COL22A1: variants seen among roughly 807,000 people sequenced by gnomAD.
COL22A1 encodes collagen alpha-1(XXII) chain.
In COL22A1, 221 loss-of-function variants were observed where a neutral mutation model predicts 248.9. The ratio of observed to expected loss-of-function variants is 0.89; its 90% CI spans 0.80 to 0.99. The LOEUF (loss-of-function observed/expected upper bound fraction) is 0.99. Among genes scored for constraint, COL22A1 ranks in the 50% least tolerant of loss-of-function variants. COL22A1 has a pLI of 0.00. For missense variants in COL22A1, 2,240 were observed against 2,179.0 expected (o/e 1.03, Z -0.56); for synonymous variants, 891 against 793.4 (o/e 1.12, Z -2.07).
intron 15 of COL22A1, among the ~76,000 whole-genome samples, chr8:138,776,380 C>A (rs1204895636): frequency 6.6e-5 from 10 of 152,188 alleles, no homozygotes; most frequent in Admixed American, 6.5e-4. Flanking sequence ...TGTGATACCC[C>A]ATGACCATGG....
At chr8:138,627,718 A>G (rs1820360914) in intron 50 of COL22A1, among the ~76,000 whole-genome samples, 1 of 152,238 alleles carries the variant, frequency 6.6e-6, no homozygotes, top group South Asian at 2.1e-4. Flanking sequence ...TCACAACACT[A>G]CAATACACCC....
At chr8:138,606,110 GT>G (rs1294130885) in intron 58 of COL22A1, among the ~76,000 whole-genome samples, 3 of 152,114 alleles carry the variant, frequency 2.0e-5, no homozygotes, top group African/African-American at 7.2e-5. Context: ...CGTTATCCTC[GT>G]TTGCATAATG....
chr8:138,832,186 G>A (rs932987215), intron 5 of COL22A1, among the ~76,000 whole-genome samples: 1 of 152,124 alleles, frequency 6.6e-6, no homozygotes, highest in Admixed American at 6.5e-5. Context: ...TCCACCCTTT[G>A]TTTAGCATAT....
chr8:138,660,328 T>A (rs1342861132), intron 44 of COL22A1, 108 bp downstream of exon 44: 2 of 936,384 alleles, frequency 2.1e-6, no homozygotes, highest in Non-Finnish European at 3.4e-6. Flanking sequence ...CACAGTTTTG[T>A]CAAATGTTCC....
chr8:138,668,130 A>C (rs1824674078), intron 41 of COL22A1, among the ~76,000 whole-genome samples: 1 of 152,214 alleles, frequency 6.6e-6, no homozygotes, highest in Non-Finnish European at 1.5e-5. Context: ...TAGATATTTG[A>C]TGGTGTTATG....
At chr8:138,680,539 G>C (rs1210929750) in intron 39 of COL22A1, among the ~76,000 whole-genome samples, 1 of 152,160 alleles carries the variant, frequency 6.6e-6, no homozygotes, top group Non-Finnish European at 1.5e-5. Context: ...GAATTAGAAG[G>C]GGCCAAGGGG....
intron 22 of COL22A1, among the ~76,000 whole-genome samples, chr8:138,747,521 G>A (rs1208950968): frequency 6.6e-6 from 1 of 152,090 alleles, no homozygotes; most frequent in Non-Finnish European, 1.5e-5. Context: ...CTCCACACCT[G>A]CGCCTGCCCC....
intron 16 of COL22A1, among the ~76,000 whole-genome samples, chr8:138,765,965 G>A (rs576017500): frequency 6.6e-6 from 1 of 152,370 alleles, no homozygotes; most frequent in Admixed American, 6.5e-5. Context: ...TGATGAGACA[G>A]CTGCTGAGTA....
chr8:138,897,378 T>C (rs948828801), intron 1 of COL22A1, among the ~76,000 whole-genome samples: 3 of 151,944 alleles, frequency 2.0e-5, no homozygotes, highest in Admixed American at 2.0e-4. Flanking sequence ...AAACCCCGTC[T>C]CTACTTAAAA....
chr8:138,656,077 C>G (rs980328470), intron 44 of COL22A1, 133 bp from the exon 45 acceptor site: 1 of 723,408 alleles, frequency 1.4e-6, no homozygotes, highest in Admixed American at 2.4e-5. Context: ...GGGATACGGA[C>G]AGCCCAGTGG....
At chr8:138,907,817 T>C (rs12681025) in intron 1 of COL22A1, among the ~76,000 whole-genome samples, 29,268 of 152,056 alleles carry the variant, frequency 0.19, 3,473 homozygotes, top group East Asian at 0.48. Context: ...GCCAAATTCA[T>C]CTTATAACAA....
At chr8:138,772,072 G>T (rs748526547) in intron 16 of COL22A1, among the ~76,000 whole-genome samples, 1 of 150,566 alleles carries the variant, frequency 6.6e-6, no homozygotes, top group East Asian at 1.9e-4. Flanking sequence ...CCAGGGTTTC[G>T]TCTAACCCTG....
chr8:138,832,541 C>T (rs1207367051), intron 5 of COL22A1, among the ~76,000 whole-genome samples: 1 of 152,078 alleles, frequency 6.6e-6, no homozygotes, highest in South Asian at 2.1e-4. Flanking sequence ...AAGGCAGGAA[C>T]GTTCACTTTG....
At position 138,679,625 on chromosome 8, in the gene COL22A1, A is replaced by G. The variant is rs148664943; in HGVS notation, c.3064T>C (p.Cys1022Arg). 5.0e-6 allele frequency: 8 copies of G among 1,613,806 alleles called. No individual in the cohort carries two copies. Among genetic ancestry groups the G allele is most frequent in the East Asian group, 2.2e-5 (1 of 44,890 alleles). The change falls in exon 40 of 65, where the codon TGT becomes CGT. Residue 1022 changes from cysteine to arginine, a missense_variant. Cys to Arg is a radical substitution (Grantham distance 180). Transcript: ENST00000303045. ...GSENCALGGQ[C>R]VKGDRGAPGI... ...CATAGATCTTCACTGACCTTAACAC[A>G]TTGCCCTCCCAGTGCACAGTTTTCT...
At position 138,613,887 on chromosome 8, in the gene COL22A1, G is replaced by A. The variant is rs1819104843; in HGVS notation, c.3958C>T (p.Gln1320Ter). The A allele has an allele frequency of 6.2e-7, 1 of 1,613,718 alleles. No homozygotes were observed. The highest frequency in any genetic ancestry group is 1.3e-5 in the African/African-American group (1 of 74,898). ...DTGPTGPQGP[Q>*]GPRGPPGKNG... ...CTCACCGGTGGGCCCCTTGGTCCTT[G>A]GGGACCCTGTGGCCCAGTGGGTCCA... The change falls in exon 56 of 65, where the codon CAA (glutamine) becomes TAA (stop). Residue 1320 changes from glutamine (Q) to a stop codon, truncating the protein, a stop_gained. Coordinates refer to ENST00000303045, the MANE Select transcript of COL22A1 (RefSeq NM_152888.3). LOFTEE classifies it high-confidence loss of function.
intron 45 of COL22A1, among the ~76,000 whole-genome samples, chr8:138,651,979 C>T (rs963284310): frequency 6.6e-6 from 1 of 152,318 alleles, no homozygotes; most frequent in South Asian, 2.1e-4. Flanking sequence ...TCCTGAAGAC[C>T]AGAGCTGTCG....
intron 25 of COL22A1, 133 bp downstream of exon 25, chr8:138,724,482 C>T: frequency 1.2e-6 from 1 of 801,650 alleles, no homozygotes; most frequent in Non-Finnish European, 2.1e-6. Context: ...AGCTCCGGGG[C>T]TGCAGGCCTT....
At chr8:138,766,750 C>G (rs1486573150) in intron 16 of COL22A1, among the ~76,000 whole-genome samples, 1 of 152,116 alleles carries the variant, frequency 6.6e-6, no homozygotes, top group African/African-American at 2.4e-5. Flanking sequence ...ATTCAGAGTG[C>G]GGTCTCAAGC....
At chr8:138,870,739 T>C (rs1823271972) in intron 3 of COL22A1, among the ~76,000 whole-genome samples, 1 of 151,586 alleles carries the variant, frequency 6.6e-6, no homozygotes, top group South Asian at 2.1e-4. Flanking sequence ...TGCATAGTGT[T>C]TGTGTATGTG....
Sources: gnomAD v4.1 joint callset for allele counts (sites outside exome capture counted in the v4.1 genomes callset) on GRCh38, gnomAD v4.1.1 for gene constraint, MANE v1.5 for transcripts, NCBI Gene and HGNC (gene_info 2026-07-23, HGNC 2026-07-21) for gene names.